Variants in LIPA observed in about 807,000 individuals in gnomAD.
LIPA encodes the protein lysosomal acid lipase/cholesteryl ester hydrolase.
In LIPA, 26 loss-of-function variants were observed where a neutral mutation model predicts 40.6. The ratio of observed to expected loss-of-function variants is 0.64; its 90% CI spans 0.47 to 0.89. The LOEUF is 0.89. Ranked by LOEUF, LIPA falls within the 40% of genes least tolerant of loss-of-function variation. The probability of loss-of-function intolerance (pLI) is 0.00; values close to 1 mark genes in which losing one functional copy is unlikely to be tolerated. For missense variants in LIPA, 455 were observed against 479.6 expected (o/e 0.95, Z 0.48); for synonymous variants, 188 against 168.4 (o/e 1.12, Z -0.90).
chr10:89,405,436 G>T (rs1186603062), intron 2 of LIPA: 4 of 152,142 alleles, frequency 2.6e-5, no homozygotes, highest in African/African-American at 9.7e-5. Context: ...ATATGTTTTG[G>T]GGGGAATATA....
rs563073486 is a variant in LIPA, at chr10:89,392,648, G to A, written c.61+20143C>T. 16 of 1,584,486 alleles carry A rather than the reference G, an allele frequency of 1.0e-5. No individual in the cohort carries two copies. The African/African-American group carries it at 2.2e-4, about 21-fold the overall frequency. On this transcript the variant is annotated intron_variant, in intron 2 of 8. Transcript: ENST00000371837. ...AACTGAAAATCCACAAGACAGAATA[G>A]CCAGATCTCAGAGGAGCCTGGCTAA... is the stretch of plus-strand genomic sequence containing the variant.
chr10:89,282,741 AGGTG>A (rs1843323030), intron 1 of LIPA, among the ~76,000 whole-genome samples: 5 of 152,264 alleles, frequency 3.3e-5, no homozygotes, highest in South Asian at 2.1e-4. Context: ...CCTATGAAAT[AGGTG>A]CTACCACTCT....
intron 2 of LIPA, among the ~76,000 whole-genome samples, chr10:89,360,532 A>C (rs1168807390): frequency 6.6e-6 from 1 of 152,228 alleles, no homozygotes; most frequent in African/African-American, 2.4e-5. Flanking sequence ...GAAGTGGTAC[A>C]TGTGAGGCTA....
chr10:89,220,277 G>A (rs550545929), intron 8 of LIPA, among the ~76,000 whole-genome samples: 2 of 152,222 alleles, frequency 1.3e-5, no homozygotes, highest in East Asian at 3.9e-4. Flanking sequence ...GGAAAGCTCA[G>A]GATCTGCCTC....
In LIPA at chr10:89,218,554, C is replaced by T. The variant is rs187750178; in HGVS notation, c.895-2545G>A. Among the ~76,000 whole-genome samples the T allele has an allele frequency of 1.3e-4, 20 of 152,338 alleles. No homozygotes were observed. The East Asian group carries it at 2.9e-3, about 22-fold the overall frequency. On this transcript the variant is annotated intron_variant, in intron 8 of 9. Transcript: ENST00000336233. ...TAGAAACCACATCCTCATCCTCCTG[C>T]GAGCAGCCAGGCTATGGCCATACCG...
intron 1 of LIPA, chr10:89,332,623 A>G: frequency 6.2e-7 from 1 of 1,614,118 alleles, no homozygotes; most frequent in Non-Finnish European, 8.5e-7. Flanking sequence ...AACAGCCATC[A>G]TGAGGTAAAT....
At chr10:89,349,140 T>C (rs1263664393) in intron 2 of LIPA, among the ~76,000 whole-genome samples, 1 of 152,196 alleles carries the variant, frequency 6.6e-6, no homozygotes, top group Non-Finnish European at 1.5e-5. Flanking sequence ...TCAGATGTCA[T>C]GAATCCCTTC....
Position 89,215,171 on chromosome 10 carries a change from G to C in LIPA, c.967-110C>G, listed in dbSNP as rs572461371. 2.8e-4 allele frequency: 233 copies of C among 837,618 alleles called. 4 individuals are homozygous for C. In the South Asian group the frequency reaches 3.2e-3, roughly 12 times the overall value. The allele number at this position is 837,618 out of a possible 1,614,324, so 51.9% of individuals were successfully genotyped here. A position where few individuals can be genotyped will look rare whatever the true frequency, so the allele number is the denominator to read the frequency against. ...CATTGTCTAGTAAGTTTGACTAACA[G>C]ACTAAATTTTTAAAATCTCTTTGAG... On this transcript the variant is annotated intron_variant, in intron 9 of 9. Coordinates refer to ENST00000336233, the MANE Select transcript of LIPA (RefSeq NM_000235.4).
At chr10:89,295,357 G>A (rs891665399) in intron 1 of LIPA, among the ~76,000 whole-genome samples, 7 of 152,278 alleles carry the variant, frequency 4.6e-5, no homozygotes, top group South Asian at 2.1e-4. Flanking sequence ...AAACAAAAAA[G>A]AGGGTCAAAT....
chr10:89,345,014 A>G (rs1399705161), upstream of LIPA, among the ~76,000 whole-genome samples: 1 of 151,948 alleles, frequency 6.6e-6, no homozygotes. Context: ...TAAAAATACA[A>G]AAATTAGCAA....
chr10:89,228,138 C>T, intron 4 of LIPA, 62 bp downstream of exon 4: 1 of 1,391,140 alleles, frequency 7.2e-7, no homozygotes. Flanking sequence ...CTGCTGGAAG[C>T]CTGTTGTCTG....
At chr10:89,359,798 A>ATC (rs749027896) in intron 2 of LIPA, among the ~76,000 whole-genome samples, 2,755 of 142,248 alleles carry the variant, frequency 0.019, 36 homozygotes, top group Middle Eastern at 0.058. Flanking sequence ...CTCTCTATCT[A>ATC]TCTCTCTCTC....
At chr10:89,395,224 C>G (rs973971113) in intron 2 of LIPA, among the ~76,000 whole-genome samples, 1 of 148,606 alleles carries the variant, frequency 6.7e-6, no homozygotes, top group African/African-American at 2.5e-5. Context: ...CTGCAGTGAC[C>G]ACCTCTCAGT....
rs528315165 is a variant in LIPA at position 89,229,007 on chromosome 10, T to C, written c.230-609A>G. ...ATCCAGCAATCACATTCCTTGGTAT[T>C]TTACCCAAAGGAGTTGAAAACTTAC... On this transcript the variant is annotated intron_variant, in intron 3 of 9. Transcript: ENST00000336233. Among the ~76,000 whole-genome samples the C allele has an allele frequency of 3.3e-5, 5 of 152,308 alleles. No homozygotes were observed. In the East Asian group the frequency reaches 9.6e-4, roughly 29 times the overall value.
intron 2 of LIPA, among the ~76,000 whole-genome samples, chr10:89,370,791 C>T (rs1475488073): frequency 6.6e-6 from 1 of 152,030 alleles, no homozygotes; most frequent in African/African-American, 2.4e-5. Flanking sequence ...CTGAGGCAGG[C>T]AGGTCACCTG....
At chr10:89,234,687 G>A (rs111412353) in intron 3 of LIPA, among the ~76,000 whole-genome samples, 96 of 152,340 alleles carry the variant, frequency 6.3e-4, no homozygotes, top group African/African-American at 2.2e-3. Flanking sequence ...CACCACCAAA[G>A]AAGGATTTAA....
exon 1 of LIPA, chr10:89,414,477 G>A (rs1841508135): frequency 2.9e-6 from 1 of 349,180 alleles, no homozygotes; most frequent in East Asian, 4.9e-5. Flanking sequence ...GAAAGACCCT[G>A]GACTCCGCAA....
chr10:89,253,993 C>G (rs1490727924), upstream of LIPA, among the ~76,000 whole-genome samples: 2 of 152,238 alleles, frequency 1.3e-5, no homozygotes, highest in Admixed American at 1.3e-4. Flanking sequence ...TGTGGCTTTG[C>G]AGGGGGACCC....
At chr10:89,338,555 A>G (rs941930167) in intron 1 of LIPA, 28 of 1,067,254 alleles carry the variant, frequency 2.6e-5, no homozygotes, top group Admixed American at 9.4e-5. Context: ...TGGACCAAAT[A>G]TCTGGGCATC....
Sources: gnomAD v4.1 joint callset for allele counts (sites outside exome capture counted in the v4.1 genomes callset) on GRCh38, gnomAD v4.1.1 for gene constraint, MANE v1.5 for transcripts, NCBI Gene and HGNC (gene_info 2026-07-23, HGNC 2026-07-21) for gene names.